PCMTD1: variants seen among roughly 807,000 people sequenced by gnomAD.
PCMTD1 encodes protein-L-isoaspartate O-methyltransferase domain-containing protein 1.
PCMTD1 carries 12 observed loss-of-function variants against 37.6 expected under a neutral mutation model. The observed-to-expected ratio is 0.32, with a 90% confidence interval of 0.20 to 0.52. The LOEUF (loss-of-function observed/expected upper bound fraction) is 0.52, where lower values mean the gene tolerates loss of function less well. Among genes scored for constraint, PCMTD1 ranks in the 20% least tolerant of loss-of-function variants. PCMTD1 has a pLI of 0.97. For missense variants in PCMTD1, 235 were observed against 421.3 expected (o/e 0.56, Z 3.87); for synonymous variants, 117 against 135.8 (o/e 0.86, Z 0.96).
chr8:51,869,159 G>A (rs1430031796), intron 1 of PCMTD1, among the ~76,000 whole-genome samples: 2 of 152,178 alleles, frequency 1.3e-5, no homozygotes, highest in Admixed American at 1.3e-4. Flanking sequence ...ATCGACGTCT[G>A]TAGTGAATAC....
At chr8:51,834,429 C>T (rs2038038714) in intron 3 of PCMTD1, among the ~76,000 whole-genome samples, 1 of 152,086 alleles carries the variant, frequency 6.6e-6, no homozygotes, top group Non-Finnish European at 1.5e-5. Flanking sequence ...ACAAACTATC[C>T]TATTTGGACT....
At chr8:51,856,137 T>A (rs1387228398) in intron 2 of PCMTD1, among the ~76,000 whole-genome samples, 3 of 152,114 alleles carry the variant, frequency 2.0e-5, no homozygotes, top group Non-Finnish European at 4.4e-5. Flanking sequence ...GATAAAGACT[T>A]ATATCCAAAA....
At chr8:51,849,336 G>A (rs2038270677) in intron 2 of PCMTD1, 1 of 152,000 alleles carries the variant, frequency 6.6e-6, no homozygotes, top group East Asian at 1.9e-4. Flanking sequence ...AAAGTGAAAT[G>A]GTATCCAAAA....
At chr8:51,822,263 T>C (rs571023310) in intron 5 of PCMTD1, among the ~76,000 whole-genome samples, 1 of 152,242 alleles carries the variant, frequency 6.6e-6, no homozygotes, top group East Asian at 1.9e-4. Context: ...GAACACACTC[T>C]GACGGAGGGT....
chr8:51,822,183 G>T (rs904833978), intron 5 of PCMTD1, among the ~76,000 whole-genome samples: 1 of 152,182 alleles, frequency 6.6e-6, no homozygotes, highest in Non-Finnish European at 1.5e-5. Context: ...AGGAGCCGAA[G>T]GAAGACTAGT....
At position 51,820,672 on chromosome 8, in the gene PCMTD1, A is replaced by G; in HGVS notation, c.753T>C (p.Ile251=). 6.2e-7 allele frequency: 1 copy of G among 1,613,780 alleles called. No homozygotes were observed. Residue 251 remains isoleucine, a synonymous_variant, in exon 6 of 6, where the codon ATT becomes ATC. Transcript: ENST00000522514. ...RNLQDLARIY[I]RRTLRNFIND... ...TTATGAAATTTCTAAGTGTGCGTCG[A>G]ATGTAAATACGAGCCAAGTCCTGTA... is the stretch of plus-strand genomic sequence containing the variant.
chr8:51,870,575 G>A (rs1156384579), intron 1 of PCMTD1, among the ~76,000 whole-genome samples: 10 of 151,984 alleles, frequency 6.6e-5, no homozygotes, highest in Admixed American at 4.6e-4. Flanking sequence ...TTTCCTATGT[G>A]CCTACTATAT....
intron 3 of PCMTD1, among the ~76,000 whole-genome samples, chr8:51,836,218 A>G (rs1051011955): frequency 2.0e-5 from 3 of 152,234 alleles, no homozygotes; most frequent in Admixed American, 1.3e-4. Flanking sequence ...CTAGAGCTGC[A>G]CTATCAAGAT....
chr8:51,851,303 A>T (rs575603575), intron 2 of PCMTD1, among the ~76,000 whole-genome samples: 1 of 152,128 alleles, frequency 6.6e-6, no homozygotes, highest in Non-Finnish European at 1.5e-5. Flanking sequence ...TGTAAATGCT[A>T]CTCTCTTTTA....
At position 51,884,792 on chromosome 8, in the gene PCMTD1, G is replaced by A. The variant is rs373770343; in HGVS notation, c.-96+14138C>T. 3.9e-5 allele frequency among the ~76,000 whole-genome samples: 6 copies of A among 152,262 alleles called. No individual in the cohort carries two copies. In the East Asian group the frequency reaches 9.7e-4, roughly 25 times the overall value. ...GAACATCTTTCTATGGTATCCTAGA[G>A]GATAGATTTCTGGCAAATTCCATCA... On this transcript the variant is annotated intron_variant, in intron 1 of 5. Transcript: ENST00000522514.
intron 1 of PCMTD1, among the ~76,000 whole-genome samples, chr8:51,897,375 C>A (rs1033572833): frequency 1.3e-5 from 2 of 151,560 alleles, no homozygotes; most frequent in Admixed American, 6.6e-5. Flanking sequence ...ATCCCTGTTG[C>A]TTTTTTTTTC....
intron 1 of PCMTD1, among the ~76,000 whole-genome samples, chr8:51,877,512 T>G (rs1351010704): frequency 6.6e-6 from 1 of 152,254 alleles, no homozygotes; most frequent in Non-Finnish European, 1.5e-5. Flanking sequence ...ATAAAGTACA[T>G]TAATTTTTTT....
At position 51,825,566 on chromosome 8, in the gene PCMTD1, C is replaced by T. The variant is rs1414472086; in HGVS notation, c.707-4848G>A. ...AAAATTAGCCGGGCGCGGTGGCGGG[C>T]GCCTGTAGTCCCAGCTACTCGGGAG... On this transcript the variant is annotated intron_variant, in intron 5 of 5. Transcript: ENST00000522514. Among the ~76,000 whole-genome samples, 3 of 57,748 alleles carry T rather than the reference C, an allele frequency of 5.2e-5. 1 individual carries two copies. The highest frequency in any genetic ancestry group is 7.9e-4 in the East Asian group (2 of 2,536). 37.9% of individuals were successfully genotyped at this position (57,748 alleles called of 152,430 possible). A position where few individuals can be genotyped will look rare whatever the true frequency, so the allele number is the denominator to read the frequency against.
intron 1 of PCMTD1, among the ~76,000 whole-genome samples, chr8:51,876,562 C>T (rs532768350): frequency 6.6e-6 from 1 of 152,280 alleles, no homozygotes; most frequent in South Asian, 2.1e-4. Flanking sequence ...AGAAAAGAAA[C>T]TAGGGTTCCT....
chr8:51,875,523 AGAAT>A (rs1422076861), intron 1 of PCMTD1, among the ~76,000 whole-genome samples: 7 of 152,362 alleles, frequency 4.6e-5, no homozygotes, highest in Non-Finnish European at 8.8e-5. Flanking sequence ...GATCATTTGT[AGAAT>A]GAATATTAGT....
At position 51,831,164 on chromosome 8, in the gene PCMTD1, G is replaced by A. The variant is rs560977389; in HGVS notation, c.706+280C>T. On this transcript the variant is annotated intron_variant, in intron 5 of 5. Transcript: ENST00000522514. The stretch of plus-strand genomic sequence containing the variant: ...AATACAAAAATTAGCCAGGCGTGGC[G>A]GTGCACACCTGTAATCCCACCTACT... 7.9e-5 allele frequency among the ~76,000 whole-genome samples: 12 copies of A among 152,062 alleles called. 1 individual carries two copies. Among genetic ancestry groups the A allele is most frequent in the African/African-American group, 2.4e-4 (10 of 41,490 alleles).
In PCMTD1 at chr8:51,820,230, A is replaced by ATT. The variant is rs35705942; in HGVS notation, c.*119_*120dup. 0.14 allele frequency: 107,030 copies of ATT among 780,952 alleles called. 7,140 individuals are homozygous for ATT. Among genetic ancestry groups the ATT allele is most frequent in the East Asian group, 0.18 (5,604 of 30,814 alleles). The allele number at this position is 780,952 out of a possible 1,614,324, so 48.4% of individuals were successfully genotyped here. A position where few individuals can be genotyped will look rare whatever the true frequency, so the allele number is the denominator to read the frequency against. On this transcript the variant is annotated 3_prime_UTR_variant, in exon 6 of 6. Coordinates refer to ENST00000522514, the MANE Select transcript of PCMTD1 (RefSeq NM_052937.4). ...TTTGTGTTACTGACAGAAACAAGTGATTTTTTTTCCACTATAATTTGCTCT... is the reference window on the plus strand; with the variant it reads ...TTTGTGTTACTGACAGAAACAAGTGATTTTTTTTTTCCACTATAATTTGCTCT...
intron 2 of PCMTD1, among the ~76,000 whole-genome samples, chr8:51,858,808 A>G (rs2038429459): frequency 6.6e-6 from 1 of 152,192 alleles, no homozygotes; most frequent in Non-Finnish European, 1.5e-5. Context: ...ATATGTAACT[A>G]AAGATCCATG....
rs575809437 is a variant in PCMTD1, at chr8:51,881,744, G to A, written c.-96+17186C>T. On this transcript the variant is annotated intron_variant, in intron 1 of 5. Coordinates refer to ENST00000522514, the MANE Select transcript of PCMTD1 (RefSeq NM_052937.4). ...TACAAAGAAAAAAATTTAGAGCTGG[G>A]CTTAAAACCTCGGTGTAAGTCAAAA... Among the ~76,000 whole-genome samples, 5 of 152,212 alleles carry A rather than the reference G, an allele frequency of 3.3e-5. No individual in the cohort carries two copies. The South Asian group carries it at 1.0e-3, about 32-fold the overall frequency.
Sources: allele counts gnomAD v4.1 joint callset (sites outside exome capture counted in the v4.1 genomes callset), GRCh38; gene constraint gnomAD v4.1.1; transcripts MANE v1.5; gene names NCBI Gene and HGNC (gene_info 2026-07-23, HGNC 2026-07-21).